DRC2: variants seen among roughly 807,000 people sequenced by gnomAD.
DRC2 encodes coiled-coil domain containing 65.
At chr12:48,921,517 ATT>A in the DRC2 span, 1,069 of 1,375,984 alleles carry the variant, frequency 7.8e-4, no homozygotes, top group South Asian at 2.3e-3. Context: ...ACTCCTAGAG[ATT>A]TTTTTTTTTT....
the DRC2 span, chr12:48,918,572 T>C: frequency 5.4e-6 from 8 of 1,492,262 alleles, no homozygotes; most frequent in East Asian, 1.6e-4. Context: ...TGATCATTGG[T>C]TGGGAAAAGA....
At chr12:48,912,338 G>A in the DRC2 span, among the ~76,000 whole-genome samples, 2 of 148,962 alleles carry the variant, frequency 1.3e-5, no homozygotes, top group African/African-American at 2.5e-5. Context: ...GCTGAGGCAG[G>A]AGAATGGCGT....
the DRC2 span, chr12:48,904,420 G>T: frequency 6.2e-7 from 1 of 1,614,102 alleles, no homozygotes; most frequent in Non-Finnish European, 8.5e-7. Context: ...TGCTGGCAGA[G>T]GAGGAGATGG....
At chr12:48,907,671 G>A in the DRC2 span, among the ~76,000 whole-genome samples, 73 of 152,312 alleles carry the variant, frequency 4.8e-4, 1 homozygote, top group East Asian at 7.1e-3. Context: ...CACTGGTTCA[G>A]AATTGTGGCT....
chr12:48,915,207 G>A, the DRC2 span, among the ~76,000 whole-genome samples: 1 of 149,776 alleles, frequency 6.7e-6, no homozygotes, highest in Non-Finnish European at 1.5e-5. Context: ...AAGGTCAGCA[G>A]ATAAACAAGT....
the DRC2 span, chr12:48,905,027 G>T: frequency 1.9e-6 from 3 of 1,613,940 alleles, no homozygotes; most frequent in Non-Finnish European, 2.5e-6. Flanking sequence ...CCTTCGGGAA[G>T]TCAAGACCAG....
the DRC2 span, chr12:48,914,627 C>A: frequency 6.4e-7 from 1 of 1,568,830 alleles, no homozygotes. Context: ...TGCCCAGAGT[C>A]CGTGTCAAGG....
chr12:48,919,971 G>A, the DRC2 span, among the ~76,000 whole-genome samples: 2 of 151,746 alleles, frequency 1.3e-5, no homozygotes, highest in Admixed American at 1.3e-4. Flanking sequence ...AAAAAAGCTG[G>A]GCATAGTGGC....
chr12:48,905,124 T>C, the DRC2 span: 2 of 1,581,932 alleles, frequency 1.3e-6, no homozygotes, highest in Non-Finnish European at 8.6e-7. Flanking sequence ...GTAGGCACTC[T>C]TTCCAAGGAA....
At chr12:48,921,238 G>A in the DRC2 span, 1 of 1,614,170 alleles carries the variant, frequency 6.2e-7, no homozygotes, top group Non-Finnish European at 8.5e-7. Context: ...GAGCAACTGA[G>A]CCTCCAACAT....
At chr12:48,904,856 G>C in the DRC2 span, 1 of 1,137,920 alleles carries the variant, frequency 8.8e-7, no homozygotes, top group Non-Finnish European at 1.2e-6. Flanking sequence ...TCGAAAAGGG[G>C]TAAGGTGTCA....
chr12:48,910,683 CT>C, the DRC2 span, among the ~76,000 whole-genome samples: 2 of 152,148 alleles, frequency 1.3e-5, no homozygotes, highest in Non-Finnish European at 2.9e-5. Flanking sequence ...CATAAGGAAA[CT>C]TTTTTCTTTT....
the DRC2 span, among the ~76,000 whole-genome samples, chr12:48,912,973 T>C: frequency 1.3e-5 from 2 of 151,642 alleles, no homozygotes; most frequent in Admixed American, 6.6e-5. Context: ...CTGTCTCTAC[T>C]AAAAATGTAA....
At chr12:48,917,112 CG>C in the DRC2 span, 2 of 1,613,462 alleles carry the variant, frequency 1.2e-6, no homozygotes, top group South Asian at 2.2e-5. Flanking sequence ...AAACATGGTA[CG>C]GAGGGAGAGT....
At chr12:48,912,973 T>G in the DRC2 span, among the ~76,000 whole-genome samples, 1 of 151,644 alleles carries the variant, frequency 6.6e-6, no homozygotes, top group Non-Finnish European at 1.5e-5. Context: ...CTGTCTCTAC[T>G]AAAAATGTAA....
chr12:48,920,886 T>C, the DRC2 span: 2 of 1,566,874 alleles, frequency 1.3e-6, no homozygotes, highest in East Asian at 2.2e-5. Context: ...AGCTTCCCTC[T>C]TCACTCCCTT....
chr12:48,918,619 T>C, the DRC2 span: 2 of 1,545,534 alleles, frequency 1.3e-6, no homozygotes, highest in Non-Finnish European at 1.8e-6. Context: ...GCAGCCCTTT[T>C]ACCTGTCTCA....
At chr12:48,918,363 AC>A in the DRC2 span, 4 of 1,614,214 alleles carry the variant, frequency 2.5e-6, no homozygotes, top group Non-Finnish European at 3.4e-6. Flanking sequence ...CTCAAGAATT[AC>A]ACTGATGCCA....
the DRC2 span, among the ~76,000 whole-genome samples, chr12:48,907,301 T>A: frequency 1.3e-5 from 2 of 152,334 alleles, no homozygotes; most frequent in South Asian, 4.1e-4. Context: ...GCTAAGTTTG[T>A]GGGAGTTATG....
Sources: gnomAD v4.1 joint callset for allele counts (sites outside exome capture counted in the v4.1 genomes callset) on GRCh38, gnomAD v4.1.1 for gene constraint, MANE v1.5 for transcripts, NCBI Gene and HGNC (gene_info 2026-07-23, HGNC 2026-07-21) for gene names.